SYTL5: variants seen among roughly 807,000 people sequenced by gnomAD.
SYTL5 encodes synaptotagmin-like protein 5.
A neutral mutation model predicts 55.9 loss-of-function variants in SYTL5; 34 were observed. The ratio of observed to expected loss-of-function variants is 0.61; its 90% CI spans 0.46 to 0.81. The LOEUF is 0.81. Ranked by LOEUF, SYTL5 falls within the 30% of genes least tolerant of loss-of-function variation. The pLI, the probability that SYTL5 is intolerant of heterozygous loss-of-function variation, is 0.00. For missense variants in SYTL5, 637 were observed against 546.7 expected, an observed-to-expected ratio of 1.17 and a Z score of -1.65; for synonymous variants, 221 against 188.7, an observed-to-expected ratio of 1.17 and a Z score of -1.40.
At chrX:37,967,200 C>T in the SYTL5 span, among the ~76,000 whole-genome samples, 5 of 110,937 alleles carry the variant, frequency 4.5e-5, no homozygotes, top group Admixed American at 9.6e-5. Flanking sequence ...TACAGGCACC[C>T]GCCACCATGA....
chrX:38,043,661 G>GTATATATATATATATATATATATATATA lies in SYTL5; in HGVS notation c.119+9656_119+9683dup, dbSNP rs35312093. On this transcript the variant is annotated intron_variant, in intron 2 of 16. Transcript: ENST00000297875. The stretch of plus-strand genomic sequence containing the variant: ...CTGTAACTTTTATGTATGTATGTAT[G>GTATATATATATATATATATATATATATA]TATATATATATATATATATATATAT... 1.2e-4 allele frequency among the ~76,000 whole-genome samples: 6 copies of GTATATATATATATATATATATATATATA among 50,159 alleles called. 1 individual carries two copies. Among genetic ancestry groups the GTATATATATATATATATATATATATATA allele is most frequent in the East Asian group, 1.6e-3 (2 of 1,233 alleles). The allele number at this position is 50,159 out of a possible 115,157, so 43.6% of individuals were successfully genotyped here.
At chrX:38,106,204 C>T (rs1241510730) in intron 10 of SYTL5, among the ~76,000 whole-genome samples, 1 of 112,245 alleles carries the variant, frequency 8.9e-6, no homozygotes. Flanking sequence ...ATGTATTCTA[C>T]ACCTTATAGT....
chrX:38,037,787 C>CAGA (rs1935148294), intron 2 of SYTL5, among the ~76,000 whole-genome samples: 2 of 77,364 alleles, frequency 2.6e-5, no homozygotes, highest in African/African-American at 9.8e-5. Flanking sequence ...AAACATTTTT[C>CAGA]TGATAGATAG....
At chrX:37,927,639 G>A in the SYTL5 span, among the ~76,000 whole-genome samples, 644 of 110,483 alleles carry the variant, frequency 5.8e-3, 6 homozygotes, top group African/African-American at 0.02. Context: ...TTAGCTGGGT[G>A]TGGTGGTGCG....
Position 38,122,184 on chromosome X carries a change from T to G in SYTL5, c.1810T>G (p.Ser604Ala). ...KEAKNLTAVK[S>A]GGTSDSFVKG... ...GGCAAAGAATTTGACAGCAGTGAAG[T>G]CAGGAGGCACTTCTGATAGCTTTGT... The change falls in exon 15 of 17, where the codon TCA (serine) becomes GCA (alanine). Residue 604 changes from serine (S) to alanine (A), a missense_variant. By Grantham distance (99) the Ser-to-Ala change is moderately conservative. Coordinates refer to ENST00000297875, the MANE Select transcript of SYTL5 (RefSeq NM_138780.3). The G allele has an allele frequency of 8.3e-7, 1 of 1,209,090 alleles. No individual in the cohort carries two copies. Among genetic ancestry groups the G allele is most frequent in the Non-Finnish European group, 1.1e-6 (1 of 893,779 alleles).
the SYTL5 span, among the ~76,000 whole-genome samples, chrX:37,925,426 T>G: frequency 9.0e-6 from 1 of 111,354 alleles, no homozygotes; most frequent in East Asian, 2.8e-4. Flanking sequence ...GAGCATATGA[T>G]AGTTCTATTT....
chrX:38,027,824 CTTT>C (rs111523397), intron 1 of SYTL5, among the ~76,000 whole-genome samples: 2 of 90,752 alleles, frequency 2.2e-5, no homozygotes, highest in African/African-American at 8.8e-5. Context: ...AATTCTTCTT[CTTT>C]TTTTTTTTTT....
At chrX:38,073,098 G>A (rs1488509022) in intron 4 of SYTL5, among the ~76,000 whole-genome samples, 1 of 111,827 alleles carries the variant, frequency 8.9e-6, no homozygotes, top group Non-Finnish European at 1.9e-5. Flanking sequence ...GTTAGAATTA[G>A]GCAATCAGCC....
chrX:38,005,139 A>G (rs1160560735), upstream of SYTL5, among the ~76,000 whole-genome samples: 2 of 111,607 alleles, frequency 1.8e-5, no homozygotes, highest in African/African-American at 6.5e-5. Flanking sequence ...TTGTAGGTTG[A>G]TCTCCCAAAT....
chrX:37,893,741 A>T, the SYTL5 span, among the ~76,000 whole-genome samples: 42 of 81,886 alleles, frequency 5.1e-4, 2 homozygotes, highest in African/African-American at 1.6e-3. Context: ...ATCTATAGAT[A>T]AACTATAGAT....
the SYTL5 span, among the ~76,000 whole-genome samples, chrX:37,941,024 G>A: frequency 8.9e-6 from 1 of 111,780 alleles, no homozygotes; most frequent in Non-Finnish European, 1.9e-5. Flanking sequence ...ATGAATCAGT[G>A]GTAGAATTAG....
At chrX:37,938,239 G>A in the SYTL5 span, among the ~76,000 whole-genome samples, 6 of 111,626 alleles carry the variant, frequency 5.4e-5, no homozygotes, top group East Asian at 5.6e-4. Context: ...CCAATCTTCC[G>A]TCATTGAAAA....
intron 13 of SYTL5, among the ~76,000 whole-genome samples, chrX:38,114,904 C>T (rs1221215589): frequency 9.0e-6 from 1 of 111,245 alleles, no homozygotes; most frequent in Non-Finnish European, 1.9e-5. Flanking sequence ...ATTTTAGATT[C>T]CACTATTTTA....
At chrX:38,054,175 TG>T in intron 2 of SYTL5, 37 bp from the exon 3 acceptor site, 1 of 1,040,361 alleles carries the variant, frequency 9.6e-7, no homozygotes, top group East Asian at 3.1e-5. Context: ...TGCTCCTGTT[TG>T]TTTTTTTAAG....
intron 1 of SYTL5, among the ~76,000 whole-genome samples, chrX:38,017,506 C>CTT (rs200772183): frequency 0.087 from 9,518 of 109,875 alleles, 504 homozygotes; most frequent in African/African-American, 0.19. Context: ...TTAGACTTAA[C>CTT]TAACTGCTCC....
At chrX:38,007,017 C>A (rs1292904250) in intron 1 of SYTL5, among the ~76,000 whole-genome samples, 1 of 111,364 alleles carries the variant, frequency 9.0e-6, no homozygotes, top group Non-Finnish European at 1.9e-5. Context: ...AAATTCACAG[C>A]AGAAGTGTTG....
chrX:37,903,665 C>T, the SYTL5 span, among the ~76,000 whole-genome samples: 8 of 109,861 alleles, frequency 7.3e-5, no homozygotes, highest in African/African-American at 2.3e-4. Flanking sequence ...CAAACCTGCA[C>T]GTTGTGCACA....
the SYTL5 span, among the ~76,000 whole-genome samples, chrX:37,981,284 C>T: frequency 9.0e-6 from 1 of 111,662 alleles, no homozygotes; most frequent in Non-Finnish European, 1.9e-5. Flanking sequence ...GTGATGAGCC[C>T]TACTGGGGAC....
the SYTL5 span, among the ~76,000 whole-genome samples, chrX:37,985,571 G>T: frequency 9.1e-6 from 1 of 109,761 alleles, no homozygotes; most frequent in Admixed American, 9.8e-5. Context: ...TGGATTAGAA[G>T]ATTTAATATT....
Sources: gnomAD v4.1 joint callset for allele counts (sites outside exome capture counted in the v4.1 genomes callset) on GRCh38, gnomAD v4.1.1 for gene constraint, MANE v1.5 for transcripts, NCBI Gene and HGNC (gene_info 2026-07-23, HGNC 2026-07-21) for gene names.